PTPRD: variants seen among roughly 807,000 people sequenced by gnomAD.
The protein encoded by PTPRD is protein tyrosine phosphatase receptor type D, also known as receptor-type tyrosine-protein phosphatase delta.
In PTPRD, 34 loss-of-function variants were observed where a neutral mutation model predicts 214.5. The observed-to-expected ratio is 0.16, with a 90% CI of 0.12 to 0.21. The LOEUF is 0.21. PTPRD is among the 10% of genes least tolerant of loss of function. The pLI, the probability that PTPRD is intolerant of heterozygous loss-of-function variation, is 1.00. For missense variants in PTPRD, 2,545 were observed against 2,398.7 expected, an observed-to-expected ratio of 1.06 and a Z score of -1.27; for synonymous variants, 1,128 against 845.7, an observed-to-expected ratio of 1.33 and a Z score of -5.79.
At chr9:8,375,658 T>G (rs535212324) in intron 39 of PTPRD, among the ~76,000 whole-genome samples, 1 of 152,242 alleles carries the variant, frequency 6.6e-6, no homozygotes, top group South Asian at 2.1e-4. Flanking sequence ...TTTACATATT[T>G]ATAGCCATGT....
At chr9:9,218,183 C>T (rs1426476374) in intron 9 of PTPRD, among the ~76,000 whole-genome samples, 1 of 152,140 alleles carries the variant, frequency 6.6e-6, no homozygotes, top group Admixed American at 6.6e-5. Flanking sequence ...ACCATACTGG[C>T]TATCCTCAAT....
At chr9:10,247,657 G>C (rs1206926150) in intron 3 of PTPRD, among the ~76,000 whole-genome samples, 3 of 152,050 alleles carry the variant, frequency 2.0e-5, no homozygotes, top group Admixed American at 6.6e-5. Flanking sequence ...TGGGATTGTA[G>C]AAATAAAAGA....
intron 9 of PTPRD, among the ~76,000 whole-genome samples, chr9:9,233,656 A>T (rs1160726759): frequency 1.3e-5 from 2 of 152,244 alleles, no homozygotes; most frequent in East Asian, 1.9e-4. Context: ...GGGTACATGC[A>T]TTGGGTAAAT....
At chr9:10,514,840 C>G (rs958002429) in intron 2 of PTPRD, among the ~76,000 whole-genome samples, 3 of 151,878 alleles carry the variant, frequency 2.0e-5, no homozygotes, top group African/African-American at 7.2e-5. Flanking sequence ...ATTTCTACTA[C>G]TAGAAACATA....
At chr9:8,679,524 A>T (rs573388098) in intron 12 of PTPRD, among the ~76,000 whole-genome samples, 1 of 152,360 alleles carries the variant, frequency 6.6e-6, no homozygotes, top group South Asian at 2.1e-4. Flanking sequence ...GCACTGTCAG[A>T]CAGCATAGAA....
At chr9:9,177,951 T>C (rs774762193) in intron 10 of PTPRD, among the ~76,000 whole-genome samples, 1 of 152,062 alleles carries the variant, frequency 6.6e-6, no homozygotes, top group Non-Finnish European at 1.5e-5. Flanking sequence ...ATTTGAAACA[T>C]GAAATATTTT....
At chr9:9,548,535 G>T (rs922714963) in intron 8 of PTPRD, among the ~76,000 whole-genome samples, 11 of 151,352 alleles carry the variant, frequency 7.3e-5, no homozygotes, top group Admixed American at 6.6e-5. Flanking sequence ...AGCCTCCTGG[G>T]CTACAGGCGT....
intron 10 of PTPRD, among the ~76,000 whole-genome samples, chr9:9,101,108 AGAG>A (rs2099790688): frequency 6.6e-6 from 1 of 151,866 alleles, no homozygotes; most frequent in Non-Finnish European, 1.5e-5. Context: ...AAACAGAGAG[AGAG>A]AGAGAGTAGA....
intron 11 of PTPRD, among the ~76,000 whole-genome samples, chr9:8,875,252 G>A (rs1587106174): frequency 6.6e-6 from 1 of 152,180 alleles, no homozygotes; most frequent in Non-Finnish European, 1.5e-5. Context: ...TAGGACAGGC[G>A]TGGTAGCCCA....
At chr9:9,674,130 A>G (rs536291398) in intron 7 of PTPRD, among the ~76,000 whole-genome samples, 2 of 151,976 alleles carry the variant, frequency 1.3e-5, no homozygotes, top group East Asian at 3.9e-4. Flanking sequence ...GTAAAATAGT[A>G]TATTTGATTT....
At chr9:10,297,902 A>G (rs1258348896) in intron 3 of PTPRD, among the ~76,000 whole-genome samples, 3 of 152,108 alleles carry the variant, frequency 2.0e-5, no homozygotes, top group African/African-American at 7.2e-5. Context: ...GGCACCCTTC[A>G]TATTAAAAAG....
intron 3 of PTPRD, among the ~76,000 whole-genome samples, chr9:10,331,743 G>T (rs76305559): frequency 0.046 from 6,988 of 151,818 alleles, 199 homozygotes; most frequent in South Asian, 0.11. Flanking sequence ...CATGCAGATT[G>T]ATATCTAAAA....
intron 14 of PTPRD, among the ~76,000 whole-genome samples, chr9:8,592,081 T>G (rs535239320): frequency 6.6e-6 from 1 of 152,264 alleles, no homozygotes; most frequent in East Asian, 1.9e-4. Flanking sequence ...ATATGGTGAC[T>G]TTAACATGGA....
chr9:9,857,335 G>A lies in PTPRD; in HGVS notation c.-368+81172C>T, dbSNP rs76261177. On this transcript the variant is annotated intron_variant, in intron 5 of 45. Coordinates refer to ENST00000381196, the MANE Select transcript of PTPRD (RefSeq NM_002839.4). Reference sequence around the variant, plus strand: ...CATTCTGCTACTTCCAATTTGACTTGGCATATATTAGGGAGGATGGAGAAG... The same window carrying A: ...CATTCTGCTACTTCCAATTTGACTTAGCATATATTAGGGAGGATGGAGAAG... 1.2e-3 allele frequency among the ~76,000 whole-genome samples: 177 copies of A among 152,204 alleles called. 1 individual carries two copies. The highest frequency in any genetic ancestry group is 3.8e-3 in the African/African-American group (159 of 41,530).
chr9:9,486,904 A>G (rs568432341), intron 8 of PTPRD, among the ~76,000 whole-genome samples: 16 of 152,258 alleles, frequency 1.1e-4, no homozygotes, highest in Middle Eastern at 3.4e-3. Flanking sequence ...TTCTTTTACC[A>G]GACACTTCAC....
intron 7 of PTPRD, among the ~76,000 whole-genome samples, chr9:9,701,025 C>T (rs2097488790): frequency 1.3e-5 from 2 of 150,562 alleles, no homozygotes; most frequent in South Asian, 4.2e-4. Flanking sequence ...TTTCTAAACA[C>T]TTCATCCTGA....
chr9:8,589,121 C>T (rs1014306031), intron 14 of PTPRD, among the ~76,000 whole-genome samples: 8 of 152,132 alleles, frequency 5.3e-5, no homozygotes, highest in East Asian at 1.9e-4. Context: ...GAATTTCTAG[C>T]GCAAAGGAAA....
At chr9:10,019,070 T>C (rs1046567710) in intron 4 of PTPRD, among the ~76,000 whole-genome samples, 30 of 152,058 alleles carry the variant, frequency 2.0e-4, no homozygotes, top group South Asian at 1.7e-3. Context: ...TGAACTCAAA[T>C]AAATTTACAA....
Position 9,841,321 on chromosome 9 carries a change from G to A in PTPRD, c.-367-74470C>T, listed in dbSNP as rs564490951. On this transcript the variant is annotated intron_variant, in intron 5 of 45. Transcript: ENST00000381196. ...GGGCTGATGAATCACTGAGTCTTGC[G>A]TTTATTCATAATTTCTCTTACTAGC... Among the ~76,000 whole-genome samples the A allele has an allele frequency of 3.2e-4, 49 of 152,052 alleles. 1 individual carries two copies. Among genetic ancestry groups the A allele is most frequent in the Non-Finnish European group, 4.3e-4 (29 of 67,964 alleles).
Sources: gnomAD v4.1 joint callset for allele counts (sites outside exome capture counted in the v4.1 genomes callset) on GRCh38, gnomAD v4.1.1 for gene constraint, MANE v1.5 for transcripts, NCBI Gene and HGNC (gene_info 2026-07-23, HGNC 2026-07-21) for gene names.